The following PCDHGA3 variants were observed in gnomAD, a reference collection of about 807,000 sequenced individuals.
PCDHGA3 encodes protocadherin gamma-A3.
In PCDHGA3, 40 loss-of-function variants were observed where a neutral mutation model predicts 58.5. That is an observed-to-expected ratio of 0.68 (90% CI 0.53 to 0.89). The LOEUF (loss-of-function observed/expected upper bound fraction) is 0.89. PCDHGA3 is among the 40% of genes least tolerant of loss of function. The probability of loss-of-function intolerance (pLI) is 0.00; values close to 1 mark genes in which losing one functional copy is unlikely to be tolerated. For synonymous variants in PCDHGA3, 530 were observed against 525.7 expected (o/e 1.01, Z -0.11); for missense variants, 1,223 against 1,195.9 (o/e 1.02, Z -0.33).
In PCDHGA3 at chr5:141,483,413, G is replaced by A. The variant is rs112015754; in HGVS notation, c.2425-11394G>A. 5.9e-4 allele frequency among the ~76,000 whole-genome samples: 90 copies of A among 152,300 alleles called. 1 individual carries two copies. Among genetic ancestry groups the A allele is most frequent in the African/African-American group, 1.7e-3 (69 of 41,584 alleles). ...AAATGCTTGAACCAGCACAGTGGCA[G>A]TACAGATGGAGGGAGCTGACTACAA... On this transcript the variant is annotated intron_variant, in intron 1 of 3. Transcript: ENST00000253812.
At chr5:141,362,453 A>T in intron 1 of PCDHGA3, 1 of 1,614,024 alleles carries the variant, frequency 6.2e-7, no homozygotes, top group Non-Finnish European at 8.5e-7. Context: ...ATAACCCCGG[A>T]ATTGGTTCCC....
intron 1 of PCDHGA3, chr5:141,375,151 T>A (rs1771184032): frequency 6.2e-7 from 1 of 1,613,844 alleles, no homozygotes; most frequent in African/African-American, 1.3e-5. Context: ...GCAGAACAAT[T>A]GCTGAAAGTG....
intron 1 of PCDHGA3, chr5:141,372,659 T>A: frequency 6.2e-7 from 1 of 1,614,058 alleles, no homozygotes; most frequent in Non-Finnish European, 8.5e-7. Context: ...ACAATCCGTG[T>A]GCTGCCTCAC....
rs745435492 is a variant in PCDHGA3, at chr5:141,489,215, A to G, written c.2425-5592A>G. The G allele has an allele frequency of 4.1e-6, 6 of 1,475,362 alleles. No homozygotes were observed. Among genetic ancestry groups the G allele is most frequent in the Non-Finnish European group, 5.5e-6 (6 of 1,093,140 alleles). 91.4% of individuals were successfully genotyped at this position (1,475,362 alleles called of 1,614,324 possible). A position where few individuals can be genotyped will look rare whatever the true frequency, so the allele number is the denominator to read the frequency against. ...CTTGGAGACAGGACAGCACAGACTT[A>G]CTCTCCACAAAGGGACTTCTGGGTC... On this transcript the variant is annotated intron_variant, in intron 1 of 3. Coordinates refer to ENST00000253812, the MANE Select transcript of PCDHGA3 (RefSeq NM_018916.4). The surrounding 1 kb of genome is among the most constrained non-coding windows in gnomAD (Gnocchi z 4.5).
chr5:141,399,460 G>C (rs1465606526), intron 1 of PCDHGA3: 1 of 1,613,962 alleles, frequency 6.2e-7, no homozygotes, highest in Admixed American at 1.7e-5. Context: ...CAACGATAAC[G>C]CTCCGGTTTT....
At chr5:141,419,432 C>T (rs2096381830) in intron 1 of PCDHGA3, 1 of 1,613,278 alleles carries the variant, frequency 6.2e-7, no homozygotes, top group East Asian at 2.2e-5. Flanking sequence ...CCACGAGCAG[C>T]TGCGCACCTT....
intron 1 of PCDHGA3, among the ~76,000 whole-genome samples, chr5:141,448,614 A>G (rs985924011): frequency 1.3e-5 from 2 of 152,070 alleles, no homozygotes; most frequent in East Asian, 1.9e-4. Flanking sequence ...ACCACTTTAT[A>G]TCTTCCTTTC....
At chr5:141,376,425 A>G in intron 1 of PCDHGA3, 7 of 1,614,182 alleles carry the variant, frequency 4.3e-6, no homozygotes, top group Non-Finnish European at 4.2e-6. Context: ...ACGCTTATCA[A>G]CCAGGAGAGC....
intron 2 of PCDHGA3, among the ~76,000 whole-genome samples, chr5:141,505,119 G>A (rs371973470): frequency 3.1e-4 from 47 of 152,210 alleles, no homozygotes; most frequent in African/African-American, 1.0e-3. Flanking sequence ...CCAAGATCGC[G>A]CCACTGCACT....
At chr5:141,428,223 A>G in intron 1 of PCDHGA3, 1 of 1,169,680 alleles carries the variant, frequency 8.5e-7, no homozygotes. Context: ...TAGTCTTCGC[A>G]GACAGCCTGC....
At chr5:141,437,654 A>C (rs185455660) in intron 1 of PCDHGA3, among the ~76,000 whole-genome samples, 1 of 152,256 alleles carries the variant, frequency 6.6e-6, no homozygotes, top group African/African-American at 2.4e-5. Context: ...GCAAACACAT[A>C]GTTTCGAAGA....
intron 1 of PCDHGA3, chr5:141,360,310 C>A (rs976415127): frequency 1.6e-5 from 26 of 1,613,804 alleles, no homozygotes; most frequent in Non-Finnish European, 2.1e-5. Context: ...GCTCAGCGTC[C>A]GGGACTTGCC....
intron 1 of PCDHGA3, chr5:141,357,701 A>T: frequency 6.7e-7 from 1 of 1,500,850 alleles, no homozygotes; most frequent in Non-Finnish European, 8.9e-7. Flanking sequence ...TTTATATGTA[A>T]TATATCAAAT....
chr5:141,389,356 C>A (rs188323445), intron 1 of PCDHGA3: 4 of 1,613,916 alleles, frequency 2.5e-6, no homozygotes, highest in Non-Finnish European at 3.4e-6. Flanking sequence ...TGCATCATGG[C>A]CAGTGACCTG....
chr5:141,482,622 A>G (rs1197606374), intron 1 of PCDHGA3, among the ~76,000 whole-genome samples: 1 of 151,936 alleles, frequency 6.6e-6, no homozygotes, highest in Non-Finnish European at 1.5e-5. Context: ...AGCCTGGAGA[A>G]AGGAAGAAAT....
At chr5:141,410,191 C>G in intron 1 of PCDHGA3, 2 of 1,613,994 alleles carry the variant, frequency 1.2e-6, no homozygotes, top group Non-Finnish European at 1.7e-6. Context: ...TTCATCTGGT[C>G]TTCGCAGACA....
At position 141,383,787 on chromosome 5, in the gene PCDHGA3, G is replaced by A. The variant is rs773505278; in HGVS notation, c.2424+37330G>A. 12 of 1,613,832 alleles carry A rather than the reference G, an allele frequency of 7.4e-6. No homozygotes were observed. In the South Asian group the frequency reaches 7.7e-5, roughly 10 times the overall value. On this transcript the variant is annotated intron_variant, in intron 1 of 3. Transcript: ENST00000253812. ...TTCCAAAGATGTTTCATCTGAACTC[G>A]CTTACAGGAGAAATATCAACTTTAG...
At chr5:141,464,189 C>T (rs1215955823) in intron 1 of PCDHGA3, among the ~76,000 whole-genome samples, 1 of 150,620 alleles carries the variant, frequency 6.6e-6, no homozygotes, top group Non-Finnish European at 1.5e-5. Context: ...TGCTTGATTT[C>T]AGGAGGCGGA....
chr5:141,402,839 C>T (rs2094312458), intron 1 of PCDHGA3: 1 of 1,386,198 alleles, frequency 7.2e-7, no homozygotes, highest in Non-Finnish European at 9.5e-7. Context: ...TGCAGCAAAA[C>T]TCAGCCTCTT....
Sources: gnomAD v4.1 joint callset for allele counts (sites outside exome capture counted in the v4.1 genomes callset) on GRCh38, gnomAD v4.1.1 for gene constraint, Gnocchi (gnomAD v3.1) non-coding constraint, MANE v1.5 for transcripts, NCBI Gene and HGNC (gene_info 2026-07-23, HGNC 2026-07-21) for gene names.